The following SHISA9 variants were observed in gnomAD, a reference collection of about 807,000 sequenced individuals.
SHISA9 encodes shisa family member 9.
A neutral mutation model predicts 38.0 loss-of-function variants in SHISA9; 13 were observed. That is an observed-to-expected ratio of 0.34 (90% CI 0.22 to 0.54). The LOEUF is 0.54. SHISA9 is among the 20% of genes least tolerant of loss of function. The pLI, the probability that SHISA9 is intolerant of heterozygous loss-of-function variation, is 0.91. For missense variants in SHISA9, 538 were observed against 575.8 expected, an observed-to-expected ratio of 0.93 and a Z score of 0.67; for synonymous variants, 275 against 242.0, an observed-to-expected ratio of 1.14 and a Z score of -1.27.
intron 1 of SHISA9, 71 bp from the exon 2 acceptor site, chr16:12,916,617 A>G: frequency 2.0e-6 from 3 of 1,497,908 alleles, no homozygotes; most frequent in Non-Finnish European, 2.7e-6. Flanking sequence ...TCGCGACTGC[A>G]GTACTCGGCG....
intron 2 of SHISA9, among the ~76,000 whole-genome samples, chr16:13,070,130 G>A (rs938902201): frequency 2.9e-5 from 4 of 139,412 alleles, no homozygotes; most frequent in African/African-American, 1.2e-4. Context: ...GTACGTGTGT[G>A]TGTGTGTGTG....
At chr16:13,320,291 T>G in the SHISA9 span, among the ~76,000 whole-genome samples, 1 of 7,556 alleles carries the variant, frequency 1.3e-4, no homozygotes, top group Non-Finnish European at 2.5e-4. Flanking sequence ...AGACTCTGTC[T>G]CAAAAAAAAA....
chr16:12,995,481 T>C (rs987698221), intron 2 of SHISA9, among the ~76,000 whole-genome samples: 1 of 152,190 alleles, frequency 6.6e-6, no homozygotes, highest in South Asian at 2.1e-4. Flanking sequence ...TTCTTGGTGA[T>C]TCAATGGTGG....
chr16:13,049,908 C>T (rs543381346), intron 2 of SHISA9, among the ~76,000 whole-genome samples: 7 of 152,130 alleles, frequency 4.6e-5, no homozygotes, highest in South Asian at 4.2e-4. Flanking sequence ...GGTACTTTTC[C>T]GTTTGTTTTG....
At chr16:13,544,429 G>GTTTTTTTTTTTTTTTTT in the SHISA9 span, among the ~76,000 whole-genome samples, 7 of 102,104 alleles carry the variant, frequency 6.9e-5, no homozygotes, top group Non-Finnish European at 7.4e-5. Flanking sequence ...TTTTTTTCTT[G>GTTTTTTTTTTTTTTTTT]TTTTTTTTTT....
At chr16:13,467,126 C>G in the SHISA9 span, among the ~76,000 whole-genome samples, 35 of 152,182 alleles carry the variant, frequency 2.3e-4, no homozygotes, top group African/African-American at 7.7e-4. Flanking sequence ...TGAAGAGTGC[C>G]TAGATGGATG....
chr16:13,065,211 G>T (rs973857447), intron 2 of SHISA9, among the ~76,000 whole-genome samples: 2 of 152,132 alleles, frequency 1.3e-5, no homozygotes, highest in African/African-American at 4.8e-5. Flanking sequence ...CCTTGGCAAT[G>T]ATCTCACTTT....
At chr16:13,107,068 T>C (rs879484506) in intron 2 of SHISA9, among the ~76,000 whole-genome samples, 10 of 151,596 alleles carry the variant, frequency 6.6e-5, no homozygotes, top group Non-Finnish European at 1.3e-4. Context: ...ACAAAGGGGG[T>C]GTTTTAAAAT....
At chr16:13,471,308 T>C in the SHISA9 span, among the ~76,000 whole-genome samples, 5 of 152,192 alleles carry the variant, frequency 3.3e-5, no homozygotes, top group African/African-American at 1.2e-4. Context: ...TCTTGCTACA[T>C]TGTATAACAT....
In SHISA9 at chr16:13,238,719, A is replaced by G. The variant is rs576287065; in HGVS notation, c.*3310A>G. On this transcript the variant is annotated 3_prime_UTR_variant, in exon 5 of 5. Coordinates refer to ENST00000558583, the MANE Select transcript of SHISA9 (RefSeq NM_001145204.3). ...AAGCTCAGGAAGTGCTTCATAGTTT[A>G]TTATCTTCCAGTTGGTTTTGGGAGA... 75 of 151,758 alleles carry G rather than the reference A, an allele frequency of 4.9e-4. No individual in the cohort carries two copies. The highest frequency in any genetic ancestry group is 1.8e-3 in the African/African-American group (74 of 41,390). The allele number at this position is 151,758 out of a possible 1,614,324, so 9.4% of individuals were successfully genotyped here.
chr16:13,009,612 G>A lies in SHISA9; in HGVS notation c.691+92797G>A, dbSNP rs374778800. Reference sequence around the variant, plus strand: ...CTACAGCAGCAGATTCTCTTCTGTAGCTTTACTGATTTGTAATCAGAGTTT... The same window carrying A: ...CTACAGCAGCAGATTCTCTTCTGTAACTTTACTGATTTGTAATCAGAGTTT... On this transcript the variant is annotated intron_variant, in intron 2 of 4. Coordinates refer to ENST00000558583, the MANE Select transcript of SHISA9 (RefSeq NM_001145204.3). 3.3e-5 allele frequency among the ~76,000 whole-genome samples: 5 copies of A among 152,268 alleles called. No homozygotes were observed. The East Asian group carries it at 5.8e-4, about 18-fold the overall frequency.
At chr16:13,152,512 T>C (rs1044101544) in intron 2 of SHISA9, among the ~76,000 whole-genome samples, 1 of 152,128 alleles carries the variant, frequency 6.6e-6, no homozygotes, top group Non-Finnish European at 1.5e-5. Context: ...AGGAGGGAGA[T>C]GAGGGAAGTT....
intron 2 of SHISA9, among the ~76,000 whole-genome samples, chr16:13,084,166 A>T (rs1374033132): frequency 6.6e-6 from 1 of 152,204 alleles, no homozygotes; most frequent in Non-Finnish European, 1.5e-5. Context: ...AAAACAAGGA[A>T]CCTGAGGGCC....
the SHISA9 span, among the ~76,000 whole-genome samples, chr16:13,493,054 A>G: frequency 1.3e-5 from 2 of 152,184 alleles, no homozygotes; most frequent in African/African-American, 2.4e-5. Context: ...ATGTAAAGCT[A>G]TTGGAGAGTT....
chr16:12,902,518 C>T lies in SHISA9; in HGVS notation c.454C>T (p.Leu152=). 1 of 1,551,578 alleles carries T rather than the reference C, an allele frequency of 6.4e-7. No homozygotes were observed. The highest frequency in any genetic ancestry group is 8.7e-7 in the Non-Finnish European group (1 of 1,147,010). Residue 152 remains leucine, a synonymous_variant, in exon 1 of 5, where the codon CTG becomes TTG. Transcript: ENST00000558583. ...LHDPTKDKTN[L]IVYIICGVVA... ...CGACCCCACCAAGGACAAGACCAAC[C>T]TGATCGTCTACATCATCTGCGGGGT...
chr16:13,479,358 A>G, the SHISA9 span, among the ~76,000 whole-genome samples: 1 of 152,198 alleles, frequency 6.6e-6, no homozygotes, highest in African/African-American at 2.4e-5. Context: ...AGGTAAAGAC[A>G]TGCTTTGGAT....
At chr16:13,254,598 C>T in the SHISA9 span, among the ~76,000 whole-genome samples, 19 of 152,258 alleles carry the variant, frequency 1.2e-4, no homozygotes, top group Admixed American at 1.0e-3. Context: ...CATCGTACAG[C>T]GGGCTGTCAG....
intron 4 of SHISA9, among the ~76,000 whole-genome samples, chr16:13,215,272 C>T (rs2051157471): frequency 6.6e-6 from 1 of 152,194 alleles, no homozygotes; most frequent in Non-Finnish European, 1.5e-5. Flanking sequence ...ACCTGATTCA[C>T]TAAGCCTTGG....
At chr16:13,164,667 C>T (rs779586618) in intron 2 of SHISA9, among the ~76,000 whole-genome samples, 28 of 152,102 alleles carry the variant, frequency 1.8e-4, no homozygotes, top group Admixed American at 2.6e-4. Context: ...AACTGCATCT[C>T]ACACATTTCG....
Sources: gnomAD v4.1 joint callset for allele counts (sites outside exome capture counted in the v4.1 genomes callset) on GRCh38, gnomAD v4.1.1 for gene constraint, MANE v1.5 for transcripts, NCBI Gene and HGNC (gene_info 2026-07-23, HGNC 2026-07-21) for gene names.